The following VPS13B variants were observed in gnomAD, a reference collection of about 807,000 sequenced individuals.
The protein encoded by VPS13B is intermembrane lipid transfer protein VPS13B.
In VPS13B, 285 loss-of-function variants were observed where a neutral mutation model predicts 426.4. That is an observed-to-expected ratio of 0.67 (90% CI 0.61 to 0.74). The LOEUF (loss-of-function observed/expected upper bound fraction) is 0.74, where lower values mean the gene tolerates loss of function less well. VPS13B is among the 30% of genes least tolerant of loss of function. VPS13B has a pLI of 0.00. For synonymous variants in VPS13B, 1,676 were observed against 1,676.4 expected, an observed-to-expected ratio of 1.00 and a Z score of 0.01; for missense variants, 4,537 against 4,782.6, an observed-to-expected ratio of 0.95 and a Z score of 1.51.
intron 19 of VPS13B, among the ~76,000 whole-genome samples, chr8:99,350,866 T>C (rs1368036894): frequency 1.3e-5 from 2 of 151,654 alleles, no homozygotes; most frequent in African/African-American, 4.8e-5. Context: ...GTAAAATGAA[T>C]TATAATATGT....
At chr8:99,174,607 T>A (rs1318629248) in intron 16 of VPS13B, among the ~76,000 whole-genome samples, 1 of 152,182 alleles carries the variant, frequency 6.6e-6, no homozygotes, top group Non-Finnish European at 1.5e-5. Flanking sequence ...TTTGCTCATT[T>A]TTAATTAGTT....
intron 12 of VPS13B, among the ~76,000 whole-genome samples, chr8:99,137,660 G>C (rs1810147122): frequency 6.6e-6 from 1 of 152,082 alleles, no homozygotes. Context: ...CTTTTGGAAT[G>C]GTTTCTAAAT....
intron 16 of VPS13B, among the ~76,000 whole-genome samples, chr8:99,181,086 G>A (rs950583958): frequency 6.6e-6 from 1 of 152,080 alleles, no homozygotes; most frequent in African/African-American, 2.4e-5. Context: ...ATATAATTAA[G>A]CGAATGACCA....
At position 99,025,062 on chromosome 8, in the gene VPS13B, T is replaced by C. The variant is rs554892766; in HGVS notation, c.147+11127T>C. On this transcript the variant is annotated intron_variant, in intron 2 of 61. Transcript: ENST00000357162. ...TTTTTTGTAGCTATTCGAAATGGGA[T>C]CACTTTCTTGATTTCTTTTTCAGCT... 5.9e-5 allele frequency among the ~76,000 whole-genome samples: 9 copies of C among 152,310 alleles called. No homozygotes were observed. The East Asian group carries it at 1.7e-3, about 29-fold the overall frequency.
At chr8:99,144,111 A>C (rs1220236410) in intron 13 of VPS13B, among the ~76,000 whole-genome samples, 1 of 152,102 alleles carries the variant, frequency 6.6e-6, no homozygotes, top group Non-Finnish European at 1.5e-5. Context: ...AGGATGACAG[A>C]GTAGCAAGAT....
chr8:99,511,397 T>C lies in VPS13B; in HGVS notation c.4518T>C (p.Gly1506=), dbSNP rs1821779613. Residue 1506 remains glycine (G), a synonymous_variant, in exon 29 of 62, where the codon GGT becomes GGC. Transcript: ENST00000357162. ...AAAAAGAGAAAAGAAAATCTCCTGG[T>C]CAGCCCATGAGGACCCATACACTGA... ...KTQKEKRKSP[G]QPMRTHTLTS... The C allele has an allele frequency of 1.9e-6, 3 of 1,613,766 alleles. No individual in the cohort carries two copies. The highest frequency in any genetic ancestry group is 1.1e-5 in the South Asian group (1 of 91,076).
At position 99,641,298 on chromosome 8, in the gene VPS13B, C is replaced by G. The variant is rs1829348036; in HGVS notation, c.5221-513C>G. ...TTTATTTTAGTGTACTTTTCTTTGT[C>G]CTTCATAATTTAGGACTACTGATTT... On this transcript the variant is annotated intron_variant, in intron 33 of 61. Transcript: ENST00000357162. 2.0e-5 allele frequency among the ~76,000 whole-genome samples: 3 copies of G among 152,038 alleles called. No individual in the cohort carries two copies. The South Asian group carries it at 6.2e-4, about 32-fold the overall frequency.
chr8:99,584,119 C>T (rs566081682), intron 33 of VPS13B, among the ~76,000 whole-genome samples: 11 of 152,130 alleles, frequency 7.2e-5, no homozygotes, highest in African/African-American at 2.2e-4. Context: ...GGGGCTGTGA[C>T]GGAATACCTC....
At chr8:99,702,056 C>T (rs112922490) in intron 36 of VPS13B, among the ~76,000 whole-genome samples, 4 of 152,020 alleles carry the variant, frequency 2.6e-5, no homozygotes, top group Non-Finnish European at 4.4e-5. Context: ...CTTAAAAATT[C>T]ATGCTTTGCA....
intron 23 of VPS13B, among the ~76,000 whole-genome samples, chr8:99,453,568 G>T (rs1818305209): frequency 6.6e-6 from 1 of 152,040 alleles, no homozygotes; most frequent in African/African-American, 2.4e-5. Context: ...GGGTTCTATA[G>T]CTTTTAAAGG....
At chr8:99,266,320 G>T (rs1403073134) in intron 17 of VPS13B, among the ~76,000 whole-genome samples, 1 of 152,058 alleles carries the variant, frequency 6.6e-6, no homozygotes, top group African/African-American at 2.4e-5. Context: ...GCTGAGATGG[G>T]AGGATCACTT....
At chr8:99,854,320 G>A (rs1330983414) in intron 56 of VPS13B, 64 bp downstream of exon 56, 42 of 1,549,190 alleles carry the variant, frequency 2.7e-5, no homozygotes, top group Non-Finnish European at 3.4e-5. Context: ...ACGCTTGGGG[G>A]TAGCACCTCA....
At chr8:99,773,100 G>C (rs144890048) in intron 40 of VPS13B, among the ~76,000 whole-genome samples, 1 of 152,230 alleles carries the variant, frequency 6.6e-6, no homozygotes, top group East Asian at 1.9e-4. Flanking sequence ...TCAAGTGGTG[G>C]ACATCATGCT....
chr8:99,611,550 C>G (rs1216560156), intron 33 of VPS13B, among the ~76,000 whole-genome samples: 1 of 151,230 alleles, frequency 6.6e-6, no homozygotes, highest in Non-Finnish European at 1.5e-5. Context: ...ACAAATAAAC[C>G]AAAAAACATA....
At chr8:99,089,919 A>G (rs892457851) in intron 3 of VPS13B, among the ~76,000 whole-genome samples, 14 of 152,152 alleles carry the variant, frequency 9.2e-5, no homozygotes, top group Non-Finnish European at 2.9e-5. Flanking sequence ...ATGTGATGCA[A>G]TACTAGAGTC....
intron 25 of VPS13B, among the ~76,000 whole-genome samples, chr8:99,495,757 G>A (rs950777251): frequency 7.5e-4 from 114 of 152,024 alleles, no homozygotes; most frequent in African/African-American, 2.6e-3. Flanking sequence ...TAACTTTGTT[G>A]CCCTACTTAG....
chr8:99,456,209 C>T (rs947782847), intron 23 of VPS13B, among the ~76,000 whole-genome samples: 11 of 152,246 alleles, frequency 7.2e-5, no homozygotes, highest in Non-Finnish European at 1.6e-4. Flanking sequence ...CACTCTGTCT[C>T]CCAGACTGGA....
chr8:99,726,803 G>T (rs776051942), intron 39 of VPS13B, among the ~76,000 whole-genome samples: 5 of 152,110 alleles, frequency 3.3e-5, no homozygotes, highest in Admixed American at 6.5e-5. Flanking sequence ...TGATCTGCCC[G>T]CCTTGGCCTC....
intron 20 of VPS13B, among the ~76,000 whole-genome samples, chr8:99,386,609 G>A (rs1010318983): frequency 6.6e-6 from 1 of 152,152 alleles, no homozygotes; most frequent in Non-Finnish European, 1.5e-5. Flanking sequence ...AACCACCATC[G>A]TGTATGCAAT....
Sources: allele counts gnomAD v4.1 joint callset (sites outside exome capture counted in the v4.1 genomes callset), GRCh38; gene constraint gnomAD v4.1.1; transcripts MANE v1.5; gene names NCBI Gene and HGNC (gene_info 2026-07-23, HGNC 2026-07-21).